Variants in PCDH11X observed in about 807,000 individuals in gnomAD.
PCDH11X encodes protocadherin 11 X-linked, also known as protocadherin-11 X-linked.
In PCDH11X, 18 loss-of-function variants were observed where a neutral mutation model predicts 53.3. The observed-to-expected ratio is 0.34, with a 90% CI of 0.23 to 0.50. The LOEUF (loss-of-function observed/expected upper bound fraction) is 0.50. Among genes scored for constraint, PCDH11X ranks in the 20% least tolerant of loss-of-function variants. The pLI, the probability that PCDH11X is intolerant of heterozygous loss-of-function variation, is 0.98. For missense variants in PCDH11X, 570 were observed against 1,032.4 expected (o/e 0.55, Z 6.14); for synonymous variants, 279 against 393.3 (o/e 0.71, Z 3.44).
chrX:92,002,893 G>A (rs2062534125), intron 6 of PCDH11X, among the ~76,000 whole-genome samples: 2 of 104,290 alleles, frequency 1.9e-5, no homozygotes, highest in African/African-American at 7.0e-5. Flanking sequence ...TTTTCTTATG[G>A]CTCATTGCTC....
intron 6 of PCDH11X, among the ~76,000 whole-genome samples, chrX:91,887,291 A>G (rs1940275573): frequency 9.0e-6 from 1 of 110,964 alleles, no homozygotes; most frequent in Non-Finnish European, 1.9e-5. Context: ...TAATAAACGT[A>G]TTTTCTTGGC....
intron 10 of PCDH11X, among the ~76,000 whole-genome samples, chrX:92,571,654 C>T (rs932436089): frequency 1.9e-5 from 2 of 107,561 alleles, no homozygotes; most frequent in African/African-American, 3.4e-5. Context: ...AGAATGATGT[C>T]GATTCTAAAA....
chrX:92,226,295 G>T (rs1163685960), intron 7 of PCDH11X, among the ~76,000 whole-genome samples: 1 of 111,925 alleles, frequency 8.9e-6, no homozygotes. Context: ...AGTGAAGAAT[G>T]GGCAGCTATG....
At chrX:92,512,290 T>C (rs147068044) in intron 10 of PCDH11X, among the ~76,000 whole-genome samples, 5,118 of 111,936 alleles carry the variant, frequency 0.046, 89 homozygotes, top group South Asian at 0.12. Flanking sequence ...CTTCCTCTTA[T>C]GAAAAGACAG....
chrX:91,966,576 C>T (rs1406451746), intron 6 of PCDH11X, among the ~76,000 whole-genome samples: 23 of 109,633 alleles, frequency 2.1e-4, no homozygotes, highest in African/African-American at 7.0e-4. Context: ...AGCAAACCAA[C>T]ACGGCACATG....
intron 6 of PCDH11X, among the ~76,000 whole-genome samples, chrX:92,095,919 C>T (rs1016626193): frequency 3.6e-5 from 4 of 111,735 alleles, no homozygotes; most frequent in East Asian, 2.8e-4. Context: ...AGTTCCAAGA[C>T]GAAGAGAATC....
At position 91,859,059 on chromosome X, in the gene PCDH11X, G is replaced by T. The variant is rs1158890740; in HGVS notation, c.541-17722G>T. ...CTGGGTAATTTATAAAGAAAAAGAGGTTTAATGAATCCACAGTTTACAACA... is the reference window on the plus strand; with the variant it reads ...CTGGGTAATTTATAAAGAAAAAGAGTTTTAATGAATCCACAGTTTACAACA... On this transcript the variant is annotated intron_variant, in intron 5 of 10. Transcript: ENST00000682573. Among the ~76,000 whole-genome samples the T allele has an allele frequency of 7.4e-5, 8 of 108,544 alleles. No homozygotes were observed. The East Asian group carries it at 2.1e-3, about 28-fold the overall frequency. 94.3% of individuals were successfully genotyped at this position (108,544 alleles called of 115,157 possible).
At chrX:92,295,356 G>T (rs1381497225) in intron 8 of PCDH11X, among the ~76,000 whole-genome samples, 1 of 110,075 alleles carries the variant, frequency 9.1e-6, no homozygotes, top group Non-Finnish European at 1.9e-5. Context: ...CTGCAACCTT[G>T]CTGGACTCTC....
intron 9 of PCDH11X, among the ~76,000 whole-genome samples, chrX:92,446,473 G>T: frequency 9.0e-6 from 1 of 110,834 alleles, no homozygotes; most frequent in Non-Finnish European, 1.9e-5. Flanking sequence ...CTGTTCTTGT[G>T]ATACTGAATG....
chrX:92,193,588 T>C (rs2066238966), intron 6 of PCDH11X, among the ~76,000 whole-genome samples: 1 of 111,261 alleles, frequency 9.0e-6, no homozygotes, highest in Admixed American at 9.7e-5. Context: ...CTATATTTTT[T>C]TCCAATTTCA....
chrX:92,413,866 G>A (rs1216667087), intron 9 of PCDH11X, among the ~76,000 whole-genome samples: 2 of 107,542 alleles, frequency 1.9e-5, no homozygotes, highest in East Asian at 3.0e-4. Context: ...CCTCTCCATG[G>A]GATCCATGTT....
At chrX:92,030,349 T>A (rs2063031276) in intron 6 of PCDH11X, among the ~76,000 whole-genome samples, 1 of 110,244 alleles carries the variant, frequency 9.1e-6, no homozygotes, top group Admixed American at 9.8e-5. Context: ...AGTTTTTTTT[T>A]AATTTTTAAT....
chrX:92,546,648 A>G (rs1210053729), intron 10 of PCDH11X, among the ~76,000 whole-genome samples: 10 of 111,582 alleles, frequency 9.0e-5, no homozygotes, highest in Non-Finnish European at 1.9e-4. Flanking sequence ...TAATCCATTT[A>G]GGTAGAGAAA....
In PCDH11X at chrX:91,796,865, A is replaced by G. The variant is rs750941080; in HGVS notation, c.-378-12601A>G. Among the ~76,000 whole-genome samples, 8 of 111,775 alleles carry G rather than the reference A, an allele frequency of 7.2e-5. No homozygotes were observed. The East Asian group carries it at 2.0e-3, about 27-fold the overall frequency. ...GAAATTGAGACTTGCCTAAATGTAC[A>G]AAGACAGTAAATGGCCCCATCAGGG... is the stretch of plus-strand genomic sequence containing the variant. On this transcript the variant is annotated intron_variant, in intron 1 of 10. Transcript: ENST00000682573.
chrX:92,280,572 A>C (rs1360737961), intron 8 of PCDH11X, among the ~76,000 whole-genome samples: 2 of 109,954 alleles, frequency 1.8e-5, no homozygotes, highest in African/African-American at 6.6e-5. Flanking sequence ...AATAGAATAT[A>C]TCTCTGTCAT....
intron 8 of PCDH11X, among the ~76,000 whole-genome samples, chrX:92,333,677 A>G (rs1029540779): frequency 7.2e-5 from 8 of 111,080 alleles, no homozygotes; most frequent in African/African-American, 2.6e-4. Flanking sequence ...TCAGGTGACA[A>G]TTTGCCTAAT....
At chrX:92,045,927 A>G (rs2063280554) in intron 6 of PCDH11X, among the ~76,000 whole-genome samples, 1 of 102,012 alleles carries the variant, frequency 9.8e-6, no homozygotes, top group Non-Finnish European at 1.9e-5. Flanking sequence ...CAACAGAGCG[A>G]GACTCCATTA....
At chrX:91,845,730 T>C (rs1937623218) in intron 5 of PCDH11X, among the ~76,000 whole-genome samples, 1 of 111,186 alleles carries the variant, frequency 9.0e-6, no homozygotes, top group South Asian at 3.8e-4. Flanking sequence ...TAGTTAGAGG[T>C]TAATTATACT....
chrX:92,590,025 T>TG, intron 10 of PCDH11X, among the ~76,000 whole-genome samples: 1 of 109,752 alleles, frequency 9.1e-6, no homozygotes, highest in Non-Finnish European at 1.9e-5. Flanking sequence ...TATTTTTCTT[T>TG]TTTTTTTTGC....
Sources: allele counts gnomAD v4.1 joint callset (sites outside exome capture counted in the v4.1 genomes callset), GRCh38; gene constraint gnomAD v4.1.1; transcripts MANE v1.5; gene names NCBI Gene and HGNC (gene_info 2026-07-23, HGNC 2026-07-21).